Variants in C19orf18 observed in about 807,000 individuals in gnomAD.
C19orf18 encodes chromosome 19 open reading frame 18.
C19orf18 carries 21 observed loss-of-function variants against 23.3 expected under a neutral mutation model. The ratio of observed to expected loss-of-function variants is 0.90; its 90% confidence interval spans 0.64 to 1.30. C19orf18 has a LOEUF of 1.30. Ranked by LOEUF, C19orf18 falls within the 50% of genes most tolerant of loss-of-function variation. The probability of loss-of-function intolerance (pLI) is 0.00; values close to 1 mark genes in which losing one functional copy is unlikely to be tolerated. For missense variants in C19orf18, 249 were observed against 259.6 expected, an observed-to-expected ratio of 0.96 and a Z score of 0.28; for synonymous variants, 96 against 95.2, an observed-to-expected ratio of 1.01 and a Z score of -0.05.
At chr19:57,963,371 C>T (rs2072886602) in intron 4 of C19orf18, among the ~76,000 whole-genome samples, 1 of 151,528 alleles carries the variant, frequency 6.6e-6, no homozygotes, top group Non-Finnish European at 1.5e-5. Context: ...GCAAAAAAAA[C>T]AAAATCCAGG....
intron 3 of C19orf18, among the ~76,000 whole-genome samples, chr19:57,967,825 C>T (rs768158084): frequency 4.8e-5 from 7 of 145,628 alleles, no homozygotes; most frequent in African/African-American, 7.8e-5. Context: ...CTGACCAACA[C>T]GGCGAAACCC....
chr19:57,962,134 AG>A (rs757804031), intron 4 of C19orf18, among the ~76,000 whole-genome samples: 54 of 82,392 alleles, frequency 6.6e-4, no homozygotes, highest in Admixed American at 2.7e-3. Context: ...GGGTTCAAAC[AG>A]TCTTACCTGC....
At chr19:57,962,594 G>A (rs757809789) in intron 4 of C19orf18, among the ~76,000 whole-genome samples, 7 of 152,134 alleles carry the variant, frequency 4.6e-5, no homozygotes, top group Non-Finnish European at 8.8e-5. Context: ...GGTGGCTCAC[G>A]CCAGTAATCC....
chr19:57,963,683 T>C (rs986610422), intron 4 of C19orf18, among the ~76,000 whole-genome samples: 33 of 151,916 alleles, frequency 2.2e-4, no homozygotes, highest in Admixed American at 2.2e-3. Context: ...GTCAGGAGAT[T>C]GAGACCATCC....
intron 3 of C19orf18, among the ~76,000 whole-genome samples, chr19:57,970,766 T>G (rs926390116): frequency 6.6e-6 from 1 of 151,900 alleles, no homozygotes; most frequent in African/African-American, 2.4e-5. Context: ...CACCATGTTG[T>G]CCAGGCTGGT....
intron 2 of C19orf18, among the ~76,000 whole-genome samples, chr19:57,972,980 T>G (rs893065761): frequency 1.3e-5 from 2 of 151,576 alleles, no homozygotes; most frequent in Admixed American, 1.3e-4. Flanking sequence ...AAACCCCGTC[T>G]CTACTGAAAA....
chr19:57,968,317 T>C (rs2072922124), intron 3 of C19orf18, among the ~76,000 whole-genome samples: 1 of 152,038 alleles, frequency 6.6e-6, no homozygotes, highest in Non-Finnish European at 1.5e-5. Flanking sequence ...TTTCAATACT[T>C]GAATATGGGG....
intron 4 of C19orf18, among the ~76,000 whole-genome samples, chr19:57,961,944 CTTTTCTTTCCT>C (rs148989918): frequency 1.3e-4 from 19 of 149,428 alleles, no homozygotes; most frequent in Non-Finnish European, 2.2e-4. Context: ...TCCCTCCCTT[CTTTTCTTTCCT>C]TTTTCTTTCC....
In C19orf18 at chr19:57,974,361, C is replaced by A. The variant is rs772566278; in HGVS notation, c.72G>T (p.Leu24Phe). The change falls in exon 1 of 6, where the codon TTG becomes TTT. Residue 24 changes from leucine (L) to phenylalanine (F), a missense_variant. Physicochemically the swap from Leu to Phe is conservative, Grantham distance 22. Transcript: ENST00000314391. ...FLMECQLHLC[L>F]PYADGLHPTG... ...TGGGATGGAGTCCATCTGCATACGG[C>A]AAGCATAAATGAAGTTGGCATTCCA... is the stretch of plus-strand genomic sequence containing the variant. 2 of 1,614,040 alleles carry A rather than the reference C, an allele frequency of 1.2e-6. No homozygotes were observed. The highest frequency in any genetic ancestry group is 3.3e-4 in the Middle Eastern group (2 of 6,062).
At chr19:57,968,360 C>T (rs779989538) in intron 3 of C19orf18, among the ~76,000 whole-genome samples, 2 of 152,082 alleles carry the variant, frequency 1.3e-5, no homozygotes, top group Admixed American at 1.3e-4. Flanking sequence ...CCAGAGCATG[C>T]AGGAAAGGGA....
intron 3 of C19orf18, 116 bp from the exon 4 acceptor site, chr19:57,966,748 A>AAAAT: frequency 1.5e-6 from 1 of 663,238 alleles, no homozygotes; most frequent in Admixed American, 2.9e-5. Context: ...AACACTTTCA[A>AAAAT]AAATAGCTTG....
rs113623977 is a variant in C19orf18, at chr19:57,963,922, C to A, written c.372-2371G>T. On this transcript the variant is annotated intron_variant, in intron 4 of 5. Coordinates refer to ENST00000314391, the MANE Select transcript of C19orf18 (RefSeq NM_152474.5). ...ATAAAAATAAAAATAAATATTTTATCTCTACCCTAAACAAAATTAATTGTA... is the reference window on the plus strand; with the variant it reads ...ATAAAAATAAAAATAAATATTTTATATCTACCCTAAACAAAATTAATTGTA... Among the ~76,000 whole-genome samples the A allele has an allele frequency of 1.7e-3, 258 of 152,180 alleles. 1 individual carries two copies. Among genetic ancestry groups the A allele is most frequent in the Non-Finnish European group, 2.8e-3 (190 of 68,006 alleles).
chr19:57,973,630 C>G (rs1389136676), intron 2 of C19orf18, among the ~76,000 whole-genome samples: 1 of 150,662 alleles, frequency 6.6e-6, no homozygotes, highest in Non-Finnish European at 1.5e-5. Flanking sequence ...GAGGCTGAGG[C>G]AGGAGAATGG....
chr19:57,960,953 G>C (rs2123217043), intron 5 of C19orf18, among the ~76,000 whole-genome samples: 1 of 152,312 alleles, frequency 6.6e-6, no homozygotes, highest in East Asian at 1.9e-4. Flanking sequence ...GCCGAGGCGG[G>C]CGGATCACGA....
At chr19:57,965,958 T>A (rs1251461823) in intron 4 of C19orf18, among the ~76,000 whole-genome samples, 1 of 151,916 alleles carries the variant, frequency 6.6e-6, no homozygotes, top group Non-Finnish European at 1.5e-5. Flanking sequence ...CATTAATACT[T>A]TAAGTAATAT....
chr19:57,960,906 G>A (rs1285685805), intron 5 of C19orf18, among the ~76,000 whole-genome samples: 20 of 152,098 alleles, frequency 1.3e-4, no homozygotes, highest in Admixed American at 1.1e-3. Flanking sequence ...CAGGCCAGGC[G>A]CGGTGGCTCA....
intron 4 of C19orf18, among the ~76,000 whole-genome samples, chr19:57,965,126 T>TTTATTTATTTAC: frequency 6.7e-6 from 1 of 150,334 alleles, no homozygotes; most frequent in African/African-American, 2.4e-5. Flanking sequence ...ATTTTATTTA[T>TTTATTTATTTAC]TTATTTATTT....
At chr19:57,960,534 G>A (rs1405919368) in intron 5 of C19orf18, among the ~76,000 whole-genome samples, 1 of 152,122 alleles carries the variant, frequency 6.6e-6, no homozygotes, top group East Asian at 1.9e-4. Context: ...ATGGCATGCT[G>A]GGAAATTTTA....
rs767052716 is a variant in C19orf18, at chr19:57,958,688, T to G, written c.562A>C (p.Lys188Gln). The G allele has an allele frequency of 2.6e-5, 42 of 1,595,764 alleles. No individual in the cohort carries two copies. Among genetic ancestry groups the G allele is most frequent in the Non-Finnish European group, 3.4e-5 (40 of 1,169,670 alleles). ...VIISKRSKNI[K>Q]KKLKEEQNSV... ...TTTTGCTCTTCCTTCAGTTTCTTCTTAATATTTTTGCTTCTTTTTGATATA... is the reference window on the plus strand; with the variant it reads ...TTTTGCTCTTCCTTCAGTTTCTTCTGAATATTTTTGCTTCTTTTTGATATA... Residue 188 changes from lysine (K) to glutamine (Q), a missense_variant, in exon 6 of 6, where the codon AAG becomes CAG. Physicochemically the swap from Lys to Gln is moderately conservative, Grantham distance 53 (BLOSUM62 1). Coordinates refer to ENST00000314391, the MANE Select transcript of C19orf18 (RefSeq NM_152474.5).
Sources: allele counts gnomAD v4.1 joint callset (sites outside exome capture counted in the v4.1 genomes callset), GRCh38; gene constraint gnomAD v4.1.1; transcripts MANE v1.5; gene names NCBI Gene and HGNC (gene_info 2026-07-23, HGNC 2026-07-21).